Variants in RBM47 observed in about 807,000 individuals in gnomAD.
The protein encoded by RBM47 is RNA binding motif protein 47.
RBM47 carries 21 observed loss-of-function variants against 47.1 expected under a neutral mutation model. The observed-to-expected ratio is 0.45, with a 90% CI of 0.32 to 0.64. The LOEUF is 0.64. Among genes scored for constraint, RBM47 ranks in the 30% least tolerant of loss-of-function variants. The pLI is 0.05. For synonymous variants in RBM47, 375 were observed against 361.7 expected (o/e 1.04, Z -0.42); for missense variants, 708 against 870.9 (o/e 0.81, Z 2.35).
intron 1 of RBM47, among the ~76,000 whole-genome samples, chr4:40,579,198 G>A (rs575297898): frequency 1.3e-5 from 2 of 151,072 alleles, no homozygotes; most frequent in South Asian, 2.1e-4. Context: ...CAAGACTGGC[G>A]GATCACGAGG....
chr4:40,478,246 C>A (rs568803640), intron 2 of RBM47, among the ~76,000 whole-genome samples: 4 of 151,988 alleles, frequency 2.6e-5, no homozygotes, highest in Non-Finnish European at 5.9e-5. Context: ...AACTCCCGAC[C>A]TCAGGTGATC....
intron 2 of RBM47, among the ~76,000 whole-genome samples, chr4:40,510,327 G>A (rs1050519641): frequency 1.1e-4 from 16 of 151,580 alleles, no homozygotes; most frequent in African/African-American, 3.9e-4. Flanking sequence ...TCTCACCATT[G>A]TCTGCCTGCC....
intron 2 of RBM47, among the ~76,000 whole-genome samples, chr4:40,483,405 G>A (rs1489647504): frequency 6.6e-6 from 1 of 152,222 alleles, no homozygotes; most frequent in Non-Finnish European, 1.5e-5. Context: ...GGTAGCGGAA[G>A]CAGAGGGAGC....
chr4:40,426,027 G>T lies in RBM47; in HGVS notation c.1659C>A (p.Ala553=). The change falls in exon 7 of 7, where the codon GCC becomes GCA. Residue 553 remains alanine, a synonymous_variant. Transcript: ENST00000295971. Reference sequence around the variant, plus strand: ...CGGCTGCCGCGTTCTTCTGTAGTGTGGCGATCGTGGCTGTAGCTGGAGCAG... The same window carrying T: ...CGGCTGCCGCGTTCTTCTGTAGTGTTGCGATCGTGGCTGTAGCTGGAGCAG... The part of the protein sequence containing the change: ...PFAAPATATI[A]TLQKNAAAAA... The T allele has an allele frequency of 6.2e-7, 1 of 1,614,252 alleles. No individual in the cohort carries two copies. The highest frequency in any genetic ancestry group is 8.5e-7 in the Non-Finnish European group (1 of 1,180,052).
chr4:40,621,356 C>T (rs1737250303), intron 1 of RBM47, among the ~76,000 whole-genome samples: 1 of 152,150 alleles, frequency 6.6e-6, no homozygotes, highest in African/African-American at 2.4e-5. Flanking sequence ...GAGAACGAAG[C>T]CAGGGCTAGC....
chr4:40,479,252 G>C (rs1336849264), intron 2 of RBM47, among the ~76,000 whole-genome samples: 1 of 152,200 alleles, frequency 6.6e-6, no homozygotes, highest in Admixed American at 6.5e-5. Context: ...TGTCATATCT[G>C]AAATGAGTGT....
intron 2 of RBM47, among the ~76,000 whole-genome samples, chr4:40,484,902 A>T (rs2154243451): frequency 6.6e-6 from 1 of 152,298 alleles, no homozygotes; most frequent in South Asian, 2.1e-4. Flanking sequence ...ATCAAATTTG[A>T]TTCCTGTTTC....
At chr4:40,489,469 A>C (rs1002372096) in intron 2 of RBM47, among the ~76,000 whole-genome samples, 1 of 152,154 alleles carries the variant, frequency 6.6e-6, no homozygotes, top group African/African-American at 2.4e-5. Flanking sequence ...AACTTACTAA[A>C]CTCAGGGATA....
At chr4:40,483,284 G>A (rs1484494002) in intron 2 of RBM47, among the ~76,000 whole-genome samples, 2 of 152,154 alleles carry the variant, frequency 1.3e-5, no homozygotes, top group African/African-American at 4.8e-5. Context: ...TCACTCAATC[G>A]TTCAACAATG....
intron 1 of RBM47, among the ~76,000 whole-genome samples, chr4:40,557,024 A>G (rs1185083106): frequency 6.6e-6 from 1 of 152,180 alleles, no homozygotes; most frequent in African/African-American, 2.4e-5. Context: ...CTCATTAAAA[A>G]TTGATATTTC....
intron 3 of RBM47, among the ~76,000 whole-genome samples, chr4:40,448,210 A>C (rs1714845593): frequency 6.6e-6 from 1 of 151,958 alleles, no homozygotes; most frequent in Non-Finnish European, 1.5e-5. Flanking sequence ...TAAATAAATA[A>C]ATAAATAAGA....
At chr4:40,515,841 G>A (rs953760071) in intron 2 of RBM47, 9 of 152,292 alleles carry the variant, frequency 5.9e-5, no homozygotes, top group Admixed American at 2.0e-4. Context: ...TGTCAGAAGG[G>A]TTGTTGTCAT....
At chr4:40,622,673 G>A (rs1737372491) in intron 1 of RBM47, among the ~76,000 whole-genome samples, 1 of 152,176 alleles carries the variant, frequency 6.6e-6, no homozygotes, top group Non-Finnish European at 1.5e-5. Flanking sequence ...CTTGAGGCCA[G>A]GAGTTCGAGA....
intron 2 of RBM47, among the ~76,000 whole-genome samples, chr4:40,497,176 C>T (rs530729186): frequency 3.5e-3 from 528 of 152,202 alleles, no homozygotes; most frequent in Non-Finnish European, 6.7e-3. Flanking sequence ...CTCCCAAGTT[C>T]GACCCCTCTC....
At chr4:40,565,214 CTCAT>C (rs1207286105) in intron 1 of RBM47, among the ~76,000 whole-genome samples, 2 of 152,170 alleles carry the variant, frequency 1.3e-5, no homozygotes, top group African/African-American at 2.4e-5. Flanking sequence ...AAGTTATTTT[CTCAT>C]TCATTCTGAA....
intron 2 of RBM47, among the ~76,000 whole-genome samples, chr4:40,495,686 A>G (rs1404398305): frequency 6.6e-6 from 1 of 152,172 alleles, no homozygotes; most frequent in Non-Finnish European, 1.5e-5. Context: ...AGTTTTTGGG[A>G]TAACAGAAGA....
chr4:40,507,382 C>T (rs1724256263), intron 2 of RBM47, among the ~76,000 whole-genome samples: 1 of 152,148 alleles, frequency 6.6e-6, no homozygotes, highest in Non-Finnish European at 1.5e-5. Flanking sequence ...TATGTATACA[C>T]ACTAAAACCT....
intron 1 of RBM47, among the ~76,000 whole-genome samples, chr4:40,602,316 C>CA (rs1172866348): frequency 6.6e-6 from 1 of 152,006 alleles, no homozygotes; most frequent in Non-Finnish European, 1.5e-5. Flanking sequence ...TGTTATAAAA[C>CA]AAAATGCAAT....
chr4:40,481,743 G>C (rs1199217314), intron 2 of RBM47, among the ~76,000 whole-genome samples: 1 of 152,100 alleles, frequency 6.6e-6, no homozygotes. Context: ...GTAGAGACAG[G>C]GTTTTGCCAT....
Sources: gnomAD v4.1 joint callset for allele counts (sites outside exome capture counted in the v4.1 genomes callset) on GRCh38, gnomAD v4.1.1 for gene constraint, MANE v1.5 for transcripts, NCBI Gene and HGNC (gene_info 2026-07-23, HGNC 2026-07-21) for gene names.